DOCK2: variants seen among roughly 807,000 people sequenced by gnomAD.
The protein encoded by DOCK2 is dedicator of cytokinesis 2.
A neutral mutation model predicts 248.9 loss-of-function variants in DOCK2; 87 were observed. The observed-to-expected ratio is 0.35, with a 90% confidence interval of 0.29 to 0.42. DOCK2 has a LOEUF of 0.42. DOCK2 is among the 10% of genes least tolerant of loss of function. DOCK2 has a pLI of 1.00. For missense variants in DOCK2, 1,747 were observed against 2,300.2 expected (o/e 0.76, Z 4.92); for synonymous variants, 805 against 821.6 (o/e 0.98, Z 0.35).
intron 46 of DOCK2, among the ~76,000 whole-genome samples, chr5:170,074,219 A>G (rs1335071520): frequency 6.6e-6 from 1 of 152,088 alleles, no homozygotes; most frequent in Non-Finnish European, 1.5e-5. Context: ...TTTTAGAAAA[A>G]CATGTTTTCT....
At chr5:170,013,873 C>G (rs993080220) in intron 32 of DOCK2, among the ~76,000 whole-genome samples, 7 of 152,110 alleles carry the variant, frequency 4.6e-5, no homozygotes, top group African/African-American at 1.7e-4. Context: ...GATATAGCCC[C>G]TGACTTCATG....
chr5:169,698,798 A>G (rs1275403810), intron 11 of DOCK2, among the ~76,000 whole-genome samples: 2 of 152,232 alleles, frequency 1.3e-5, no homozygotes, highest in African/African-American at 4.8e-5. Context: ...CAAAAGATTA[A>G]TGCATTAATT....
At chr5:169,903,189 A>C (rs1774043522) in intron 27 of DOCK2, among the ~76,000 whole-genome samples, 1 of 151,560 alleles carries the variant, frequency 6.6e-6, no homozygotes, top group Non-Finnish European at 1.5e-5. Context: ...AGGTGGGAGG[A>C]TCTTTTCAGC....
intron 25 of DOCK2, among the ~76,000 whole-genome samples, chr5:169,798,440 C>T (rs1613150): frequency 0.017 from 2,582 of 152,260 alleles, 77 homozygotes; most frequent in African/African-American, 0.059. Flanking sequence ...GGTGACTTAC[C>T]AAGGAGATCT....
intron 10 of DOCK2, among the ~76,000 whole-genome samples, chr5:169,696,394 C>T (rs1234512516): frequency 6.6e-6 from 1 of 152,220 alleles, no homozygotes; most frequent in Non-Finnish European, 1.5e-5. Context: ...CAGAGCCCTG[C>T]ATGAGGCTGC....
intron 22 of DOCK2, among the ~76,000 whole-genome samples, chr5:169,736,929 A>G (rs1046652824): frequency 3.9e-5 from 6 of 152,230 alleles, no homozygotes; most frequent in Admixed American, 6.5e-5. Context: ...GTAGGCCACT[A>G]TGCTAGGTAC....
At position 169,757,911 on chromosome 5, in the gene DOCK2, A is replaced by G. The variant is rs533150619; in HGVS notation, c.2377-1794A>G. On this transcript the variant is annotated intron_variant, in intron 23 of 51. Transcript: ENST00000520908. Reference sequence around the variant, plus strand: ...TTGTATGTCCAATGGTAGCAAGGTTATGGGGAAATGGTCAATTAAAGGAAA... The same window carrying G: ...TTGTATGTCCAATGGTAGCAAGGTTGTGGGGAAATGGTCAATTAAAGGAAA... Among the ~76,000 whole-genome samples, 541 of 152,358 alleles carry G rather than the reference A, an allele frequency of 3.6e-3. 2 individuals are homozygous for G. The highest frequency in any genetic ancestry group is 4.5e-3 in the Non-Finnish European group (304 of 68,034).
At chr5:169,864,081 C>T (rs377082495) in intron 27 of DOCK2, among the ~76,000 whole-genome samples, 12 of 152,286 alleles carry the variant, frequency 7.9e-5, no homozygotes, top group East Asian at 1.9e-4. Context: ...AGCAGTCGCA[C>T]GCACTCAGGT....
At chr5:169,968,705 G>A (rs1777389665) in intron 27 of DOCK2, among the ~76,000 whole-genome samples, 1 of 152,178 alleles carries the variant, frequency 6.6e-6, no homozygotes, top group African/African-American at 2.4e-5. Flanking sequence ...ACTCCCGCTA[G>A]TTATTAGGAA....
At chr5:169,742,626 CT>C (rs917388037) in intron 22 of DOCK2, among the ~76,000 whole-genome samples, 1 of 152,210 alleles carries the variant, frequency 6.6e-6, no homozygotes, top group Non-Finnish European at 1.5e-5. Flanking sequence ...CACTTGCTTT[CT>C]GCATCCTGAG....
At chr5:169,651,146 T>C (rs1018971688) in intron 1 of DOCK2, among the ~76,000 whole-genome samples, 3 of 152,230 alleles carry the variant, frequency 2.0e-5, no homozygotes, top group African/African-American at 7.2e-5. Flanking sequence ...GGCTTGGAGC[T>C]TCCTGTTAGT....
At chr5:169,902,590 T>C (rs1773989151) in intron 27 of DOCK2, among the ~76,000 whole-genome samples, 1 of 152,204 alleles carries the variant, frequency 6.6e-6, no homozygotes, top group African/African-American at 2.4e-5. Flanking sequence ...TTTTGTAGAC[T>C]GCACCCCGCT....
At chr5:169,743,226 T>C (rs1763419644) in intron 22 of DOCK2, among the ~76,000 whole-genome samples, 1 of 152,248 alleles carries the variant, frequency 6.6e-6, no homozygotes, top group South Asian at 2.1e-4. Flanking sequence ...TTCTTCCTTG[T>C]AATCTAAAAC....
rs1039357715 is a variant in DOCK2, at chr5:169,928,879, G to A, written c.2800-54189G>A. On this transcript the variant is annotated intron_variant, in intron 27 of 51. Transcript: ENST00000520908. ...ATTGTGCACATGATGCTCACTCTAT[G>A]CCCTGGGTGTTTCTGTTCCTGCTTG... Among the ~76,000 whole-genome samples the A allele has an allele frequency of 5.9e-5, 9 of 152,298 alleles. No homozygotes were observed. In the East Asian group the frequency reaches 1.5e-3, roughly 26 times the overall value.
chr5:169,911,045 G>A (rs570114980), intron 27 of DOCK2, among the ~76,000 whole-genome samples: 22 of 152,300 alleles, frequency 1.4e-4, no homozygotes, highest in East Asian at 5.8e-4. Flanking sequence ...GCTGATGCTC[G>A]TTGGTCCACT....
intron 12 of DOCK2, 116 bp downstream of exon 12, chr5:169,699,574 C>T (rs891658241): frequency 5.0e-6 from 5 of 993,252 alleles, no homozygotes; most frequent in Non-Finnish European, 7.3e-6. Context: ...TCCAGACAGA[C>T]CACTGGGAAG....
intron 30 of DOCK2, among the ~76,000 whole-genome samples, chr5:169,997,126 C>G (rs1026793282): frequency 6.0e-4 from 90 of 151,054 alleles, no homozygotes; most frequent in Non-Finnish European, 1.1e-3. Context: ...GGTCAGCAGA[C>G]CAACACGTGA....
At chr5:169,794,259 G>C (rs1766519661) in intron 25 of DOCK2, among the ~76,000 whole-genome samples, 1 of 152,028 alleles carries the variant, frequency 6.6e-6, no homozygotes, top group Non-Finnish European at 1.5e-5. Context: ...TGTGAGGCTT[G>C]CTTGATTTTT....
intron 35 of DOCK2, among the ~76,000 whole-genome samples, chr5:170,036,289 T>C (rs1446488890): frequency 1.3e-5 from 2 of 152,214 alleles, no homozygotes; most frequent in Non-Finnish European, 2.9e-5. Flanking sequence ...AAGTCCTCTC[T>C]GTTCCTTTAT....
Sources: allele counts gnomAD v4.1 joint callset (sites outside exome capture counted in the v4.1 genomes callset), GRCh38; gene constraint gnomAD v4.1.1; transcripts MANE v1.5; gene names NCBI Gene and HGNC (gene_info 2026-07-23, HGNC 2026-07-21).